RIMS1: variants seen among roughly 807,000 people sequenced by gnomAD.
The protein encoded by RIMS1 is regulating synaptic membrane exocytosis protein 1.
A neutral mutation model predicts 214.1 loss-of-function variants in RIMS1; 83 were observed. The observed-to-expected ratio is 0.39, with a 90% CI of 0.32 to 0.47. The LOEUF (loss-of-function observed/expected upper bound fraction) is 0.47. Ranked by LOEUF, RIMS1 falls within the 20% of genes least tolerant of loss-of-function variation. The pLI, the probability that RIMS1 is intolerant of heterozygous loss-of-function variation, is 0.99. For missense variants in RIMS1, 2,050 were observed against 2,161.8 expected (o/e 0.95, Z 1.03); for synonymous variants, 793 against 786.8 (o/e 1.01, Z -0.13).
chr6:71,958,674 T>C (rs1279053013), intron 1 of RIMS1, among the ~76,000 whole-genome samples: 6 of 152,084 alleles, frequency 3.9e-5, no homozygotes, highest in South Asian at 4.1e-4. Flanking sequence ...ACAGATTTAA[T>C]ACATGACAGG....
At chr6:71,909,283 C>T (rs1776220323) in intron 1 of RIMS1, among the ~76,000 whole-genome samples, 1 of 152,184 alleles carries the variant, frequency 6.6e-6, no homozygotes, top group South Asian at 2.1e-4. Context: ...CTCAGCCCTT[C>T]CAAAGTGCCC....
intron 1 of RIMS1, among the ~76,000 whole-genome samples, chr6:71,890,587 A>AC (rs1769415626): frequency 1.0e-5 from 1 of 97,104 alleles, no homozygotes; most frequent in African/African-American, 3.6e-5. Context: ...AAAAAAAAAA[A>AC]AAAAAAAAAA....
rs1412731963 is a variant in RIMS1 at position 72,402,298 on chromosome 6, C to T, written c.*1584C>T. ...TACCGAAATAACCAAGAAATCTAAGCCATCCACTTTTGTTATAGACATTTT... is the reference window on the plus strand; with the variant it reads ...TACCGAAATAACCAAGAAATCTAAGTCATCCACTTTTGTTATAGACATTTT... On this transcript the variant is annotated 3_prime_UTR_variant, in exon 34 of 34. Transcript: ENST00000521978. 6.6e-6 allele frequency: 1 copy of T among 152,640 alleles called. No homozygotes were observed. Among genetic ancestry groups the T allele is most frequent in the Non-Finnish European group, 1.5e-5 (1 of 68,038 alleles). 9.5% of individuals were successfully genotyped at this position (152,640 alleles called of 1,614,324 possible).
chr6:72,256,692 T>TC (rs1234065987), intron 16 of RIMS1, among the ~76,000 whole-genome samples: 1 of 151,576 alleles, frequency 6.6e-6, no homozygotes, highest in African/African-American at 2.4e-5. Context: ...GTCACCCTTT[T>TC]TTTTTTACAA....
At chr6:72,092,182 C>T (rs757365681) in intron 2 of RIMS1, among the ~76,000 whole-genome samples, 12 of 152,182 alleles carry the variant, frequency 7.9e-5, no homozygotes, top group Non-Finnish European at 1.8e-4. Context: ...TTTAAGAGAA[C>T]AATTTAATAG....
At chr6:71,975,305 A>C (rs990765567) in intron 2 of RIMS1, among the ~76,000 whole-genome samples, 1 of 152,334 alleles carries the variant, frequency 6.6e-6, no homozygotes, top group East Asian at 1.9e-4. Context: ...TCCGTATTTT[A>C]GCACTAAAAC....
In RIMS1 at chr6:72,097,109, C is replaced by T. The variant is rs1044390019; in HGVS notation, c.406C>T (p.Arg136Cys). The part of the protein sequence containing the change: ...DGCGHLCSYC[R>C]TKFCARCGGR... The stretch of plus-strand genomic sequence containing the variant: ...GTGCGGTCATCTCTGCTCCTATTGT[C>T]GCACTAAGTTCTGTGCGCGCTGCGG... Residue 136 changes from arginine to cysteine, a missense_variant, in exon 3 of 34, where the codon CGC becomes TGC. Around this residue, in one of 6 missense-constraint regions of RIMS1, gnomAD observed 882 missense variants for 828.9 expected, o/e 1.06. Coordinates refer to ENST00000521978, the MANE Select transcript of RIMS1 (RefSeq NM_014989.7). The T allele has an allele frequency of 1.2e-6, 2 of 1,613,880 alleles. No individual in the cohort carries two copies. Among genetic ancestry groups the T allele is most frequent in the African/African-American group, 1.3e-5 (1 of 74,930 alleles).
chr6:72,358,586 A>G (rs2097719970), intron 29 of RIMS1, among the ~76,000 whole-genome samples: 1 of 152,188 alleles, frequency 6.6e-6, no homozygotes, highest in Non-Finnish European at 1.5e-5. Context: ...GTTCTCTGAG[A>G]TATGAACAAA....
intron 23 of RIMS1, among the ~76,000 whole-genome samples, chr6:72,275,309 G>T (rs1161417905): frequency 1.3e-5 from 2 of 151,654 alleles, no homozygotes; most frequent in East Asian, 1.9e-4. Context: ...ATAAGTAGAC[G>T]TGGTATCTCA....
intron 28 of RIMS1, among the ~76,000 whole-genome samples, chr6:72,314,672 A>G (rs1409755801): frequency 6.6e-6 from 1 of 152,180 alleles, no homozygotes; most frequent in Non-Finnish European, 1.5e-5. Context: ...TTAAAATTTA[A>G]GGAAGAATTA....
intron 2 of RIMS1, among the ~76,000 whole-genome samples, chr6:71,990,267 A>G (rs1801195352): frequency 6.6e-6 from 1 of 152,186 alleles, no homozygotes; most frequent in African/African-American, 2.4e-5. Context: ...TATCCTTTGG[A>G]ATGAAACACT....
chr6:72,193,944 G>T (rs767606500), intron 6 of RIMS1, among the ~76,000 whole-genome samples: 2 of 152,062 alleles, frequency 1.3e-5, no homozygotes, highest in Non-Finnish European at 2.9e-5. Context: ...TTTTTTTTTA[G>T]AGTAATTCAA....
intron 4 of RIMS1, among the ~76,000 whole-genome samples, chr6:72,175,857 AT>A (rs1380231481): frequency 6.6e-6 from 1 of 152,084 alleles, no homozygotes; most frequent in African/African-American, 2.4e-5. Context: ...TATCTATGGA[AT>A]TTTCTGTATA....
chr6:72,016,290 G>A (rs1812731646), intron 2 of RIMS1, among the ~76,000 whole-genome samples: 1 of 151,894 alleles, frequency 6.6e-6, no homozygotes, highest in African/African-American at 2.4e-5. Context: ...TGATGTCAGG[G>A]TAGTATTGTT....
intron 6 of RIMS1, among the ~76,000 whole-genome samples, chr6:72,209,804 G>A (rs1183886002): frequency 1.3e-5 from 2 of 151,720 alleles, no homozygotes; most frequent in African/African-American, 4.8e-5. Flanking sequence ...GGGAGGCTGA[G>A]GCAGGAGAAT....
intron 28 of RIMS1, among the ~76,000 whole-genome samples, chr6:72,314,072 G>A (rs763297165): frequency 6.6e-6 from 1 of 152,188 alleles, no homozygotes; most frequent in Non-Finnish European, 1.5e-5. Context: ...GGGTGTGTGT[G>A]TGTATGTGGG....
chr6:72,400,283 A>G (rs1222481370), intron 33 of RIMS1, among the ~76,000 whole-genome samples: 1 of 152,226 alleles, frequency 6.6e-6, no homozygotes, highest in Non-Finnish European at 1.5e-5. Context: ...ACAATCCTTC[A>G]TTCCATCAGA....
intron 4 of RIMS1, among the ~76,000 whole-genome samples, chr6:72,109,465 T>A (rs1214798319): frequency 6.6e-6 from 1 of 152,150 alleles, no homozygotes; most frequent in African/African-American, 2.4e-5. Flanking sequence ...TGGTGGGCAT[T>A]TTTTCATGTG....
At chr6:72,268,570 A>G (rs1214425721) in intron 22 of RIMS1, among the ~76,000 whole-genome samples, 1 of 152,164 alleles carries the variant, frequency 6.6e-6, no homozygotes, top group African/African-American at 2.4e-5. Context: ...TCAGTACTCA[A>G]TATAATACTT....
Sources: allele counts gnomAD v4.1 joint callset (sites outside exome capture counted in the v4.1 genomes callset), GRCh38; gene constraint gnomAD v4.1.1; regional missense constraint gnomAD v4.1.1; transcripts MANE v1.5; gene names NCBI Gene and HGNC (gene_info 2026-07-23, HGNC 2026-07-21).